TENT5D: variants seen among roughly 807,000 people sequenced by gnomAD.
The protein encoded by TENT5D is cancer/testis antigen 112.
For missense variants in TENT5D, 191 were observed against 287.0 expected (o/e 0.67, Z 2.42); for synonymous variants, 103 against 100.6 (o/e 1.02, Z -0.15).
chrX:80,385,918 AAAC>A (rs1329891971), intron 3 of TENT5D, among the ~76,000 whole-genome samples: 2 of 112,206 alleles, frequency 1.8e-5, no homozygotes, highest in Non-Finnish European at 3.8e-5. Flanking sequence ...AAAAGTCAGG[AAAC>A]AACAGGTGCT....
chrX:80,402,662 G>A (rs942427159), intron 3 of TENT5D, among the ~76,000 whole-genome samples: 1 of 111,290 alleles, frequency 9.0e-6, no homozygotes, highest in Non-Finnish European at 1.9e-5. Context: ...TCAGGAGCAT[G>A]GTATTTAATT....
At chrX:80,339,050 T>G (rs1388533329) in intron 2 of TENT5D, among the ~76,000 whole-genome samples, 1 of 111,691 alleles carries the variant, frequency 9.0e-6, no homozygotes, top group Non-Finnish European at 1.9e-5. Flanking sequence ...ATCCTTTATT[T>G]TTAACCAATT....
At chrX:80,371,242 A>G (rs150968889) in intron 3 of TENT5D, among the ~76,000 whole-genome samples, 3 of 111,873 alleles carry the variant, frequency 2.7e-5, no homozygotes, top group African/African-American at 6.5e-5. Context: ...GTGGGCTTCA[A>G]ATATCCTCTA....
chrX:80,440,060 C>T (rs912660696), intron 2 of TENT5D, among the ~76,000 whole-genome samples: 1 of 111,393 alleles, frequency 9.0e-6, no homozygotes, highest in African/African-American at 3.2e-5. Flanking sequence ...GTGTTGCTCA[C>T]GCAAGGACAC....
intron 3 of TENT5D, among the ~76,000 whole-genome samples, chrX:80,401,490 A>T (rs887063487): frequency 9.0e-6 from 1 of 111,451 alleles, no homozygotes; most frequent in Non-Finnish European, 1.9e-5. Context: ...CTCGTTCATG[A>T]TCTTAAAGAA....
chrX:80,344,737 C>A (rs1425988620), intron 3 of TENT5D, among the ~76,000 whole-genome samples: 1 of 110,900 alleles, frequency 9.0e-6, no homozygotes, highest in African/African-American at 3.3e-5. Flanking sequence ...GTTAAGCACA[C>A]ATTTCAAAAA....
Position 80,384,818 on chromosome X carries a change from A to G in TENT5D, c.-142+42254A>G, listed in dbSNP as rs1273645962. Among the ~76,000 whole-genome samples the G allele has an allele frequency of 5.5e-5, 6 of 108,919 alleles. No homozygotes were observed. In the Admixed American group the frequency reaches 6.0e-4, roughly 11 times the overall value. 94.6% of individuals were successfully genotyped at this position (108,919 alleles called of 115,157 possible). A position where few individuals can be genotyped will look rare whatever the true frequency, so the allele number is the denominator to read the frequency against. On this transcript the variant is annotated intron_variant, in intron 3 of 4. Transcript: ENST00000538312. The stretch of plus-strand genomic sequence containing the variant: ...AGAGCCAAATCATGAGTGAACTCCC[A>G]TTCACAAATGCTTCAAAGAGAATAA...
chrX:80,398,554 T>A (rs1023077753), intron 3 of TENT5D, among the ~76,000 whole-genome samples: 23 of 108,376 alleles, frequency 2.1e-4, no homozygotes, highest in African/African-American at 7.0e-4. Context: ...TACATTTATG[T>A]TTTTTTTTTC....
chrX:80,388,546 G>A (rs1931066113), intron 3 of TENT5D, among the ~76,000 whole-genome samples: 1 of 111,493 alleles, frequency 9.0e-6, no homozygotes, highest in South Asian at 3.8e-4. Flanking sequence ...CAGGTTCTGG[G>A]GCTTGGAATG....
intron 3 of TENT5D, among the ~76,000 whole-genome samples, chrX:80,365,849 A>G (rs898574982): frequency 1.8e-5 from 2 of 110,820 alleles, no homozygotes; most frequent in Non-Finnish European, 3.8e-5. Flanking sequence ...TCAAAAAAAA[A>G]AAATGACTTA....
chrX:80,368,787 C>G (rs1930561386), intron 3 of TENT5D, among the ~76,000 whole-genome samples: 1 of 111,922 alleles, frequency 8.9e-6, no homozygotes, highest in African/African-American at 3.2e-5. Flanking sequence ...GTTATTCAGT[C>G]AGTGACACTG....
intron 1 of TENT5D, among the ~76,000 whole-genome samples, chrX:80,430,320 A>G (rs933354006): frequency 9.0e-6 from 1 of 111,386 alleles, no homozygotes; most frequent in Non-Finnish European, 1.9e-5. Flanking sequence ...TACAGAAGCA[A>G]CAGCGAAATT....
intron 3 of TENT5D, among the ~76,000 whole-genome samples, chrX:80,358,635 A>G (rs1298509667): frequency 8.9e-6 from 1 of 111,929 alleles, no homozygotes; most frequent in African/African-American, 3.2e-5. Context: ...TCATCGTACA[A>G]ATGTCATAAT....
intron 2 of TENT5D, among the ~76,000 whole-genome samples, chrX:80,339,335 A>G (rs1929912210): frequency 9.0e-6 from 1 of 111,562 alleles, no homozygotes; most frequent in South Asian, 3.7e-4. Context: ...ATATGAAGAA[A>G]TAGACTCAGT....
chrX:80,415,038 A>C (rs974074045), intron 3 of TENT5D, among the ~76,000 whole-genome samples: 2 of 111,348 alleles, frequency 1.8e-5, no homozygotes, highest in South Asian at 7.6e-4. Flanking sequence ...CAGGTATTTT[A>C]TTCCTTTTGT....
At chrX:80,412,405 A>G (rs1931689463) in intron 3 of TENT5D, among the ~76,000 whole-genome samples, 1 of 112,665 alleles carries the variant, frequency 8.9e-6, no homozygotes, top group African/African-American at 3.2e-5. Context: ...TACTTCTGAA[A>G]ATTTCTGCAG....
intron 3 of TENT5D, among the ~76,000 whole-genome samples, chrX:80,406,030 G>T (rs1447827885): frequency 9.2e-6 from 1 of 108,666 alleles, no homozygotes; most frequent in Non-Finnish European, 1.9e-5. Context: ...CAGACCTGCA[G>T]CTGAGGGTCC....
chrX:80,404,988 T>C (rs1213493861), intron 3 of TENT5D, among the ~76,000 whole-genome samples: 2 of 112,036 alleles, frequency 1.8e-5, no homozygotes, highest in African/African-American at 3.2e-5. Flanking sequence ...GTGCACAGAA[T>C]ATTGTTGGAA....
At chrX:80,431,603 G>A (rs1362667528) in intron 1 of TENT5D, among the ~76,000 whole-genome samples, 1 of 111,617 alleles carries the variant, frequency 9.0e-6, no homozygotes, top group African/African-American at 3.3e-5. Flanking sequence ...ATGTTGGAAG[G>A]CAAGGAGGAG....
Sources: allele counts gnomAD v4.1 joint callset (sites outside exome capture counted in the v4.1 genomes callset), GRCh38; gene constraint gnomAD v4.1.1; transcripts MANE v1.5; gene names NCBI Gene and HGNC (gene_info 2026-07-23, HGNC 2026-07-21).